CCSER1: variants seen among roughly 807,000 people sequenced by gnomAD.
CCSER1 encodes serine-rich coiled-coil domain-containing protein 1.
CCSER1 carries 41 observed loss-of-function variants against 82.0 expected under a neutral mutation model. The ratio of observed to expected loss-of-function variants is 0.50; its 90% CI spans 0.39 to 0.65. The LOEUF is 0.65. CCSER1 is among the 30% of genes least tolerant of loss of function. The pLI, the probability that CCSER1 is intolerant of heterozygous loss-of-function variation, is 0.00. For synonymous variants in CCSER1, 414 were observed against 383.9 expected (o/e 1.08, Z -0.92); for missense variants, 1,119 against 1,064.2 (o/e 1.05, Z -0.72).
At position 90,308,415 on chromosome 4, in the gene CCSER1, C is replaced by G. The variant is rs1257185189; in HGVS notation, c.131C>G (p.Ser44Cys). ...AGTAATACAGTTGGTGTCCACAGTT[C>G]CTCTCCTTCCAGCACTAACTCAAGC... is the stretch of plus-strand genomic sequence containing the variant. ...SSSNTVGVHS[S>C]SPSSTNSSSG... Residue 44 changes from serine to cysteine, a missense_variant, in exon 2 of 11, where the codon TCC (serine) becomes TGC (cysteine). Transcript: ENST00000509176. The G allele has an allele frequency of 1.2e-6, 2 of 1,613,816 alleles. No homozygotes were observed. Among genetic ancestry groups the G allele is most frequent in the Non-Finnish European group, 1.7e-6 (2 of 1,179,822 alleles).
At chr4:91,511,448 A>C (rs1759818285) in intron 10 of CCSER1, among the ~76,000 whole-genome samples, 1 of 152,176 alleles carries the variant, frequency 6.6e-6, no homozygotes. Flanking sequence ...CTTCCAGGCC[A>C]TAGTAATGCA....
intron 10 of CCSER1, among the ~76,000 whole-genome samples, chr4:91,438,833 T>A (rs1388078580): frequency 1.3e-5 from 2 of 152,116 alleles, no homozygotes; most frequent in Non-Finnish European, 2.9e-5. Flanking sequence ...ACGTGAAGAA[T>A]GCAGAAGGCT....
chr4:90,702,098 T>C (rs886461134), intron 6 of CCSER1, among the ~76,000 whole-genome samples: 2 of 152,182 alleles, frequency 1.3e-5, no homozygotes, highest in African/African-American at 4.8e-5. Context: ...CAGTATGATA[T>C]TGGCTGTGGG....
At chr4:91,279,688 G>C (rs937047067) in intron 10 of CCSER1, among the ~76,000 whole-genome samples, 11 of 151,726 alleles carry the variant, frequency 7.2e-5, no homozygotes, top group African/African-American at 2.7e-4. Context: ...GAATTATCTT[G>C]TTTCTAAGTG....
chr4:91,035,013 TG>T (rs1487153626), intron 9 of CCSER1, among the ~76,000 whole-genome samples: 2 of 152,112 alleles, frequency 1.3e-5, no homozygotes, highest in Non-Finnish European at 2.9e-5. Flanking sequence ...ATGTGAGGCT[TG>T]TTTCAAAAAG....
intron 10 of CCSER1, among the ~76,000 whole-genome samples, chr4:91,478,678 G>A (rs772169759): frequency 2.6e-5 from 4 of 151,782 alleles, no homozygotes; most frequent in East Asian, 1.9e-4. Flanking sequence ...GTCAAAGTTC[G>A]AAATGGTATA....
At chr4:90,366,752 A>G (rs1327171687) in intron 3 of CCSER1, among the ~76,000 whole-genome samples, 1 of 151,850 alleles carries the variant, frequency 6.6e-6, no homozygotes, top group Non-Finnish European at 1.5e-5. Flanking sequence ...TTTAAGGGAC[A>G]CAGTTCAGGA....
chr4:91,577,740 CCTTTT>C (rs1763518047), intron 10 of CCSER1, among the ~76,000 whole-genome samples: 2 of 151,960 alleles, frequency 1.3e-5, no homozygotes, highest in South Asian at 4.1e-4. Context: ...GATTCTGCTG[CCTTTT>C]ATTTCAGGAT....
intron 10 of CCSER1, among the ~76,000 whole-genome samples, chr4:91,353,471 A>C (rs1188178026): frequency 2.0e-5 from 3 of 152,212 alleles, no homozygotes; most frequent in African/African-American, 7.2e-5. Context: ...AGGCAGGCCC[A>C]GGCCTGGTTT....
intron 10 of CCSER1, among the ~76,000 whole-genome samples, chr4:91,390,499 G>GT (rs999821470): frequency 2.4e-4 from 36 of 151,794 alleles, no homozygotes; most frequent in Non-Finnish European, 4.1e-4. Context: ...TGTGGTTTTA[G>GT]TTTTTTCAAT....
chr4:90,918,084 T>C (rs72882835), intron 8 of CCSER1: 1,854 of 175,614 alleles, frequency 0.011, 32 homozygotes, highest in African/African-American at 0.04. Context: ...AGCAACCAAA[T>C]GTTTTCTGTT....
chr4:91,054,056 G>T (rs1353837286), intron 9 of CCSER1, among the ~76,000 whole-genome samples: 1 of 152,174 alleles, frequency 6.6e-6, no homozygotes, highest in Non-Finnish European at 1.5e-5. Flanking sequence ...GCTACAAGTG[G>T]TATCACTGGG....
chr4:90,276,251 T>TTTCTTTCTTTCTTTCTTCCCTTCC (rs1727659770), intron 1 of CCSER1, among the ~76,000 whole-genome samples: 31 of 76,828 alleles, frequency 4.0e-4, no homozygotes, highest in African/African-American at 1.6e-3. Context: ...TCTTTCTTTC[T>TTTCTTTCTTTCTTTCTTCCCTTCC]TTCCTTCCTT....
At chr4:90,619,159 T>C (rs1206412195) in intron 5 of CCSER1, among the ~76,000 whole-genome samples, 1 of 152,006 alleles carries the variant, frequency 6.6e-6, no homozygotes, top group Non-Finnish European at 1.5e-5. Flanking sequence ...ACAATGGAAC[T>C]GAACTTCTAG....
intron 7 of CCSER1, among the ~76,000 whole-genome samples, chr4:90,738,216 G>T (rs1745972942): frequency 6.6e-6 from 1 of 152,082 alleles, no homozygotes; most frequent in Non-Finnish European, 1.5e-5. Context: ...TGTAGTCTTT[G>T]CAGTCTGGGC....
intron 10 of CCSER1, among the ~76,000 whole-genome samples, chr4:91,261,373 A>G (rs1398996125): frequency 6.6e-6 from 1 of 152,020 alleles, no homozygotes; most frequent in Admixed American, 6.5e-5. Flanking sequence ...TAATCTCTTT[A>G]TTTCTTTTAA....
chr4:90,923,586 C>T (rs200459118), intron 9 of CCSER1, 139 bp downstream of exon 9: 48 of 589,638 alleles, frequency 8.1e-5, no homozygotes, highest in East Asian at 7.8e-4. Context: ...TGCTCTTAAA[C>T]AATCCCCAAA....
At chr4:90,274,032 A>T (rs1727078644) in intron 1 of CCSER1, among the ~76,000 whole-genome samples, 1 of 152,208 alleles carries the variant, frequency 6.6e-6, no homozygotes, top group Non-Finnish European at 1.5e-5. Flanking sequence ...CAAATTTTGC[A>T]TATTTGAGTA....
chr4:91,211,192 A>C (rs1196098702), intron 10 of CCSER1, among the ~76,000 whole-genome samples: 2 of 151,986 alleles, frequency 1.3e-5, no homozygotes, highest in African/African-American at 2.4e-5. Flanking sequence ...CCAAGAGACA[A>C]ATTGAGATGC....
Sources: gnomAD v4.1 joint callset for allele counts (sites outside exome capture counted in the v4.1 genomes callset) on GRCh38, gnomAD v4.1.1 for gene constraint, MANE v1.5 for transcripts, NCBI Gene and HGNC (gene_info 2026-07-23, HGNC 2026-07-21) for gene names.